Variants in CSMD1 observed in about 807,000 individuals in gnomAD.
The protein encoded by CSMD1 is CUB and Sushi multiple domains 1.
Under a neutral mutation model 417.5 loss-of-function variants are expected in CSMD1, and 213 were observed. The observed-to-expected ratio is 0.51, with a 90% confidence interval of 0.46 to 0.57. The LOEUF is 0.57. Among genes scored for constraint, CSMD1 ranks in the 20% least tolerant of loss-of-function variants. The pLI, the probability that CSMD1 is intolerant of heterozygous loss-of-function variation, is 0.00. For synonymous variants in CSMD1, 2,862 were observed against 1,736.8 expected (o/e 1.65, Z -16.11); for missense variants, 6,923 against 4,529.7 (o/e 1.53, Z -15.17).
Position 4,695,038 on chromosome 8 carries a change from C to G in CSMD1, c.86-57480G>C, listed in dbSNP as rs778831485. 4.6e-5 allele frequency among the ~76,000 whole-genome samples: 7 copies of G among 152,168 alleles called. No homozygotes were observed. The South Asian group carries it at 1.0e-3, about 23-fold the overall frequency. On this transcript the variant is annotated intron_variant, in intron 1 of 69. Coordinates refer to ENST00000635120, the MANE Select transcript of CSMD1 (RefSeq NM_033225.6). ...TAAGCTCCCTTTACTTATCTGTCAT[C>G]TTCCCCCTTCCCCCTTATGGGAATG... is the stretch of plus-strand genomic sequence containing the variant.
rs189284050 is a variant in CSMD1 at position 4,396,060 on chromosome 8, G to A, written c.415+23893C>T. On this transcript the variant is annotated intron_variant, in intron 3 of 69. Coordinates refer to ENST00000635120, the MANE Select transcript of CSMD1 (RefSeq NM_033225.6). ...GAGTAGCTAGCTATAATGTTGGCAT[G>A]CATCACCCATTTCTGTCTTATACCA... Among the ~76,000 whole-genome samples the A allele has an allele frequency of 2.3e-3, 350 of 152,244 alleles. 1 individual carries two copies. Among genetic ancestry groups the A allele is most frequent in the Admixed American group, 6.1e-3 (94 of 15,294 alleles).
chr8:4,252,126 A>G (rs538631537), intron 3 of CSMD1, among the ~76,000 whole-genome samples: 2 of 152,326 alleles, frequency 1.3e-5, no homozygotes, highest in South Asian at 4.1e-4. Context: ...CTACTGAAAC[A>G]CACAATTTCA....
At chr8:3,588,957 G>T (rs914214277) in intron 8 of CSMD1, among the ~76,000 whole-genome samples, 2 of 151,990 alleles carry the variant, frequency 1.3e-5, no homozygotes, top group African/African-American at 4.8e-5. Flanking sequence ...ACATAAAAAC[G>T]ACCAACAGGT....
chr8:4,650,833 A>C (rs17417988), intron 1 of CSMD1, among the ~76,000 whole-genome samples: 4,708 of 152,306 alleles, frequency 0.031, 100 homozygotes, highest in Non-Finnish European at 0.043. Context: ...AAGGTTGTAG[A>C]GTAGAAAGCA....
chr8:4,124,071 C>T (rs1802630418), intron 3 of CSMD1, among the ~76,000 whole-genome samples: 1 of 151,832 alleles, frequency 6.6e-6, no homozygotes, highest in Non-Finnish European at 1.5e-5. Flanking sequence ...ACACAGACTT[C>T]TACGCACAGA....
At chr8:4,885,655 C>T (rs1163911995) in intron 1 of CSMD1, among the ~76,000 whole-genome samples, 2 of 151,512 alleles carry the variant, frequency 1.3e-5, no homozygotes, top group African/African-American at 2.4e-5. Flanking sequence ...GTTGAATCAA[C>T]CTTTCTTTCT....
At chr8:3,926,602 GT>G (rs1237302649) in intron 5 of CSMD1, among the ~76,000 whole-genome samples, 3 of 148,990 alleles carry the variant, frequency 2.0e-5, no homozygotes, top group African/African-American at 4.9e-5. Context: ...AATTTTATCA[GT>G]TGTTTAAAAT....
At chr8:4,265,143 C>T (rs544934619) in intron 3 of CSMD1, among the ~76,000 whole-genome samples, 1 of 152,010 alleles carries the variant, frequency 6.6e-6, no homozygotes, top group Non-Finnish European at 1.5e-5. Flanking sequence ...AATTTGACCT[C>T]GACTATTATT....
At chr8:4,787,163 G>T (rs1228638294) in intron 1 of CSMD1, among the ~76,000 whole-genome samples, 1 of 152,208 alleles carries the variant, frequency 6.6e-6, no homozygotes. Flanking sequence ...GGGTTCGGCC[G>T]CTGTAGCGGA....
At position 4,312,396 on chromosome 8, in the gene CSMD1, T is replaced by TATATATATATATATAC. The variant is rs1159507543; in HGVS notation, c.415+107556_415+107557insGTATATATATATATAT. On this transcript the variant is annotated intron_variant, in intron 3 of 69. Transcript: ENST00000635120. ...GAACAAATATATATATATATATACA[T>TATATATATATATATAC]ACATATATATGCGTGTATATATATG... Among the ~76,000 whole-genome samples the TATATATATATATATAC allele has an allele frequency of 1.1e-3, 107 of 99,032 alleles. 10 individuals carry two copies. The highest frequency in any genetic ancestry group is 7.2e-3 in the African/African-American group (92 of 12,836). 65.0% of individuals were successfully genotyped at this position (99,032 alleles called of 152,430 possible).
chr8:3,628,285 C>G (rs1584984096), intron 7 of CSMD1, among the ~76,000 whole-genome samples: 1 of 152,002 alleles, frequency 6.6e-6, no homozygotes, highest in Non-Finnish European at 1.5e-5. Context: ...TCACAAAAGC[C>G]CAGCAGAGGT....
At chr8:4,677,334 A>G (rs1308084058) in intron 1 of CSMD1, among the ~76,000 whole-genome samples, 5 of 151,696 alleles carry the variant, frequency 3.3e-5, no homozygotes, top group Admixed American at 3.3e-4. Flanking sequence ...GTTTATCATT[A>G]TAAACATGTG....
chr8:3,916,376 G>A (rs1012010222), intron 5 of CSMD1, among the ~76,000 whole-genome samples: 3 of 152,124 alleles, frequency 2.0e-5, no homozygotes, highest in East Asian at 1.9e-4. Flanking sequence ...GTACATAGGA[G>A]GTAATTCCAT....
chr8:3,879,434 G>A (rs935524505), intron 5 of CSMD1, among the ~76,000 whole-genome samples: 2 of 152,124 alleles, frequency 1.3e-5, no homozygotes, highest in African/African-American at 4.8e-5. Flanking sequence ...AATCAGTCCG[G>A]TCATTGAGAA....
At chr8:4,257,196 T>A (rs1456426241) in intron 3 of CSMD1, among the ~76,000 whole-genome samples, 1 of 14,158 alleles carries the variant, frequency 7.1e-5, no homozygotes, top group Non-Finnish European at 1.3e-4. Context: ...TACTACATTT[T>A]TAAGCATGAG....
chr8:3,598,083 T>C (rs1388093148), intron 8 of CSMD1, among the ~76,000 whole-genome samples: 3 of 152,206 alleles, frequency 2.0e-5, no homozygotes, highest in African/African-American at 7.2e-5. Flanking sequence ...TTCTCTACCT[T>C]ATATTAATCT....
intron 1 of CSMD1, among the ~76,000 whole-genome samples, chr8:4,884,026 G>C (rs947503412): frequency 6.6e-6 from 1 of 151,880 alleles, no homozygotes; most frequent in South Asian, 2.1e-4. Flanking sequence ...AATAGCCTTC[G>C]TAGTGAATGT....
At chr8:3,050,640 C>A (rs974748812) in intron 50 of CSMD1, among the ~76,000 whole-genome samples, 2 of 151,998 alleles carry the variant, frequency 1.3e-5, no homozygotes, top group South Asian at 2.1e-4. Context: ...AAAATAGTAC[C>A]GTCTTAAATA....
chr8:4,950,304 A>G (rs890776893), intron 1 of CSMD1, among the ~76,000 whole-genome samples: 2 of 152,168 alleles, frequency 1.3e-5, no homozygotes, highest in African/African-American at 4.8e-5. Context: ...TAGTAAGTAA[A>G]TGATTTTCTC....
Sources: gnomAD v4.1 joint callset for allele counts (sites outside exome capture counted in the v4.1 genomes callset) on GRCh38, gnomAD v4.1.1 for gene constraint, MANE v1.5 for transcripts, NCBI Gene and HGNC (gene_info 2026-07-23, HGNC 2026-07-21) for gene names.